The following MTHFD1L variants were observed in gnomAD, a reference collection of about 807,000 sequenced individuals.
The protein encoded by MTHFD1L is methylenetetrahydrofolate dehydrogenase (NADP+ dependent) 1 like.
MTHFD1L carries 81 observed loss-of-function variants against 119.5 expected under a neutral mutation model. The ratio of observed to expected loss-of-function variants is 0.68; its 90% CI spans 0.57 to 0.82. MTHFD1L has a LOEUF of 0.82. Among genes scored for constraint, MTHFD1L ranks in the 40% least tolerant of loss-of-function variants. The pLI is 0.00. For missense variants in MTHFD1L, 1,125 were observed against 1,253.4 expected (o/e 0.90, Z 1.55); for synonymous variants, 430 against 475.2 (o/e 0.90, Z 1.24).
intron 24 of MTHFD1L, among the ~76,000 whole-genome samples, chr6:151,018,169 C>T (rs939454344): frequency 6.6e-6 from 1 of 152,122 alleles, no homozygotes; most frequent in African/African-American, 2.4e-5. Context: ...TTGTGGAGTG[C>T]CCAGGCTTCA....
rs1379042431 is a variant in MTHFD1L at position 150,876,083 on chromosome 6, A to T, written c.228-7A>T. On this transcript the variant is annotated splice_polypyrimidine_tract_variant and splice_region_variant and intron_variant, in intron 1 of 27. Transcript: ENST00000367321. ...AAATCACAATGTTGTTTTCTTTCTC[A>T]ATGTAGAGAAGTCATTCAGAATTCA... is the stretch of plus-strand genomic sequence containing the variant. 6.3e-7 allele frequency: 1 copy of T among 1,588,926 alleles called. No individual in the cohort carries two copies. Among genetic ancestry groups the T allele is most frequent in the Non-Finnish European group, 8.6e-7 (1 of 1,160,518 alleles).
rs1020099144 is a variant in MTHFD1L, at chr6:150,970,239, C to T, written c.2014-1708C>T. Among the ~76,000 whole-genome samples, 10 of 152,262 alleles carry T rather than the reference C, an allele frequency of 6.6e-5. No homozygotes were observed. In the East Asian group the frequency reaches 7.7e-4, roughly 12 times the overall value. On this transcript the variant is annotated intron_variant, in intron 19 of 27. Coordinates refer to ENST00000367321, the MANE Select transcript of MTHFD1L (RefSeq NM_015440.5). ...GATTGATGCCGGGCTCCCCATCAGACCCAGTGAACGTAATGTCTGAGGATA... is the reference window on the plus strand; with the variant it reads ...GATTGATGCCGGGCTCCCCATCAGATCCAGTGAACGTAATGTCTGAGGATA...
intron 7 of MTHFD1L, among the ~76,000 whole-genome samples, chr6:150,888,889 T>TAAA (rs1583394627): frequency 6.6e-6 from 1 of 152,274 alleles, no homozygotes; most frequent in East Asian, 1.9e-4. Flanking sequence ...GATTAACTAT[T>TAAA]AAAGGCCGGG....
chr6:151,027,135 CCTTT>C (rs1453592148), intron 24 of MTHFD1L, among the ~76,000 whole-genome samples: 3 of 152,016 alleles, frequency 2.0e-5, no homozygotes, highest in African/African-American at 7.2e-5. Context: ...GGCCTCCTGT[CCTTT>C]CTTTAATGCA....
intron 16 of MTHFD1L, among the ~76,000 whole-genome samples, chr6:150,950,220 G>A (rs1555179): frequency 0.3 from 46,195 of 151,908 alleles, 7,587 homozygotes; most frequent in East Asian, 0.47. Flanking sequence ...CAGGACACCC[G>A]CAGTGGCTTC....
intron 13 of MTHFD1L, among the ~76,000 whole-genome samples, chr6:150,943,775 C>T (rs1008188633): frequency 2.0e-5 from 3 of 152,026 alleles, no homozygotes; most frequent in Non-Finnish European, 2.9e-5. Context: ...AAATGATAAT[C>T]GAGTGTGCTC....
intron 24 of MTHFD1L, among the ~76,000 whole-genome samples, chr6:151,020,873 A>C (rs1441155517): frequency 6.6e-6 from 1 of 152,176 alleles, no homozygotes; most frequent in Admixed American, 6.6e-5. Flanking sequence ...AAGAAACGCT[A>C]ATCTACATGC....
At chr6:151,086,591 G>A (rs1793828499) in intron 26 of MTHFD1L, among the ~76,000 whole-genome samples, 2 of 152,034 alleles carry the variant, frequency 1.3e-5, no homozygotes, top group South Asian at 2.1e-4. Context: ...GTACAGTGGT[G>A]CACATGGCTT....
chr6:151,010,524 G>T (rs929473485), intron 21 of MTHFD1L, among the ~76,000 whole-genome samples: 1 of 152,116 alleles, frequency 6.6e-6, no homozygotes, highest in African/African-American at 2.4e-5. Context: ...TTGTTTCTAA[G>T]AGCTTTGCTT....
chr6:151,005,415 A>G (rs1584078300), intron 20 of MTHFD1L, among the ~76,000 whole-genome samples: 3 of 152,152 alleles, frequency 2.0e-5, no homozygotes, highest in East Asian at 3.8e-4. Context: ...ATTTCAGGAC[A>G]GTTTTCAAAC....
At chr6:151,050,838 T>G (rs933363718) in intron 26 of MTHFD1L, among the ~76,000 whole-genome samples, 2 of 152,156 alleles carry the variant, frequency 1.3e-5, no homozygotes, top group African/African-American at 4.8e-5. Context: ...CACGCTTATG[T>G]GTGCCAGTTT....
At chr6:150,964,074 C>T (rs759246731) in intron 18 of MTHFD1L, among the ~76,000 whole-genome samples, 2 of 152,178 alleles carry the variant, frequency 1.3e-5, no homozygotes, top group African/African-American at 2.4e-5. Context: ...GAGGCTGAGG[C>T]AGAAGAATCG....
intron 24 of MTHFD1L, among the ~76,000 whole-genome samples, chr6:151,025,078 T>C (rs1393595357): frequency 2.6e-5 from 4 of 152,366 alleles, no homozygotes; most frequent in South Asian, 2.1e-4. Flanking sequence ...TACTATTTCA[T>C]GTGGAGAAAT....
intron 7 of MTHFD1L, among the ~76,000 whole-genome samples, chr6:150,899,539 T>C (rs1784787252): frequency 6.6e-6 from 1 of 152,214 alleles, no homozygotes; most frequent in African/African-American, 2.4e-5. Context: ...AGTTATACTA[T>C]TATTTTAACA....
chr6:150,883,939 C>A (rs1781789816), intron 5 of MTHFD1L, among the ~76,000 whole-genome samples: 1 of 152,090 alleles, frequency 6.6e-6, no homozygotes, highest in Non-Finnish European at 1.5e-5. Context: ...CTGAGACACC[C>A]AGCAATCTTC....
chr6:151,079,696 T>G (rs536233177), intron 26 of MTHFD1L, among the ~76,000 whole-genome samples: 2 of 151,484 alleles, frequency 1.3e-5, no homozygotes, highest in South Asian at 4.2e-4. Flanking sequence ...ACCATGTTGG[T>G]CACGCTGGTC....
chr6:150,893,023 T>C (rs1174855354), intron 7 of MTHFD1L, among the ~76,000 whole-genome samples: 1 of 152,148 alleles, frequency 6.6e-6, no homozygotes, highest in African/African-American at 2.4e-5. Context: ...TGGAAAAGCT[T>C]CACTGTGAAA....
At chr6:151,022,246 C>T in intron 24 of MTHFD1L, 1 of 321,446 alleles carries the variant, frequency 3.1e-6, no homozygotes, top group South Asian at 2.5e-5. Context: ...TTATTTTCTA[C>T]ATCTTGAAAA....
At chr6:151,066,184 C>T (rs895317415) in intron 26 of MTHFD1L, among the ~76,000 whole-genome samples, 5 of 152,192 alleles carry the variant, frequency 3.3e-5, no homozygotes, top group Non-Finnish European at 7.3e-5. Context: ...CGCCTGTAAT[C>T]CCAGCACTTT....
Sources: gnomAD v4.1 joint callset for allele counts (sites outside exome capture counted in the v4.1 genomes callset) on GRCh38, gnomAD v4.1.1 for gene constraint, MANE v1.5 for transcripts, NCBI Gene and HGNC (gene_info 2026-07-23, HGNC 2026-07-21) for gene names.